Variants in USP38 observed in about 807,000 individuals in gnomAD.
USP38 encodes the protein ubiquitin carboxyl-terminal hydrolase 38.
Under a neutral mutation model 94.3 loss-of-function variants are expected in USP38, and 49 were observed. That is an observed-to-expected ratio of 0.52 (90% CI 0.41 to 0.66). The LOEUF (loss-of-function observed/expected upper bound fraction) is 0.66. Ranked by LOEUF, USP38 falls within the 30% of genes least tolerant of loss-of-function variation. The pLI is 0.00. For synonymous variants in USP38, 468 were observed against 463.6 expected (o/e 1.01, Z -0.12); for missense variants, 1,128 against 1,229.4 (o/e 0.92, Z 1.23).
At position 143,185,068 on chromosome 4, in the gene USP38, G is replaced by A. The variant is rs575253050; in HGVS notation, c.-383G>A. 1 of 184,626 alleles carries A rather than the reference G, an allele frequency of 5.4e-6. No individual in the cohort carries two copies. Among genetic ancestry groups the A allele is most frequent in the African/African-American group, 2.4e-5 (1 of 42,040 alleles). The allele number at this position is 184,626 out of a possible 1,614,324, so 11.4% of individuals were successfully genotyped here. On this transcript the variant is annotated 5_prime_UTR_variant, in exon 1 of 10. Coordinates refer to ENST00000307017, the MANE Select transcript of USP38 (RefSeq NM_032557.6). The stretch of plus-strand genomic sequence containing the variant: ...GACGCCCACACCTGACCCGGAACTC[G>A]GAGGCGTGCTTCCTCCACCCGCCGG...
intron 2 of USP38, among the ~76,000 whole-genome samples, chr4:143,188,859 G>A (rs1051032836): frequency 2.0e-5 from 3 of 152,046 alleles, no homozygotes; most frequent in Non-Finnish European, 4.4e-5. Flanking sequence ...TTTCAAAGAT[G>A]TTTAAATGTA....
rs927199460 is a variant in USP38, at chr4:143,195,757, A to G, written c.860A>G (p.Asp287Gly). Residue 287 changes from aspartate to glycine, a missense_variant, in exon 3 of 10, where the codon GAT (aspartate) becomes GGT (glycine). Coordinates refer to ENST00000307017, the MANE Select transcript of USP38 (RefSeq NM_032557.6). ...WLSWPLAQHV[D>G]TWVIALLKGL... is the part of the protein sequence containing the mutation. ...TCCTGGCCATTGGCTCAGCATGTGGATACATGGGTAATTGCACTCCTGAAA... is the reference window on the plus strand; with the variant it reads ...TCCTGGCCATTGGCTCAGCATGTGGGTACATGGGTAATTGCACTCCTGAAA... The G allele has an allele frequency of 2.5e-6, 4 of 1,613,208 alleles. No homozygotes were observed. The African/African-American group carries it at 5.3e-5, about 22-fold the overall frequency.
intron 7 of USP38, 59 bp from the exon 8 acceptor site, chr4:143,212,259 G>T: frequency 1.5e-6 from 2 of 1,372,322 alleles, no homozygotes; most frequent in South Asian, 1.3e-5. Context: ...TAAGATTTCA[G>T]TTACTTGGTT....
At chr4:143,217,048 G>C (rs1393869518) in intron 9 of USP38, among the ~76,000 whole-genome samples, 1 of 152,146 alleles carries the variant, frequency 6.6e-6, no homozygotes, top group Non-Finnish European at 1.5e-5. Flanking sequence ...CTGGCCTCAA[G>C]TGATCTGCCC....
intron 7 of USP38, among the ~76,000 whole-genome samples, chr4:143,210,598 AG>A (rs1171975648): frequency 4.7e-4 from 71 of 151,828 alleles, no homozygotes; most frequent in African/African-American, 1.7e-3. Context: ...AAAAAAAAAA[AG>A]AGTCTTTATG....
chr4:143,189,941 C>G (rs1477002564), intron 2 of USP38, among the ~76,000 whole-genome samples: 1 of 151,850 alleles, frequency 6.6e-6, no homozygotes, highest in Non-Finnish European at 1.5e-5. Flanking sequence ...TTCTTCCTTC[C>G]CATTATTATC....
rs772321535 is a variant in USP38, at chr4:143,197,932, A to T, written c.1050+8A>T. ...CCAGAGGCGTTCCATTTGGTAAGTT[A>T]TGACATAAACGTTCTACTTTGAAAA... On this transcript the variant is annotated splice_region_variant and intron_variant, in intron 4 of 9. Coordinates refer to ENST00000307017, the MANE Select transcript of USP38 (RefSeq NM_032557.6). The T allele has an allele frequency of 6.3e-7, 1 of 1,594,068 alleles. No homozygotes were observed. The highest frequency in any genetic ancestry group is 2.2e-5 in the East Asian group (1 of 44,664).
At chr4:143,198,088 T>G (rs1467447204) in intron 4 of USP38, among the ~76,000 whole-genome samples, 164 bp downstream of exon 4, 3 of 152,174 alleles carry the variant, frequency 2.0e-5, no homozygotes, top group Admixed American at 2.0e-4. Context: ...GAGATTTCCC[T>G]CCTAGGAATA....
intron 4 of USP38, among the ~76,000 whole-genome samples, chr4:143,203,201 A>T (rs1464354344): frequency 6.6e-6 from 1 of 152,184 alleles, no homozygotes; most frequent in Non-Finnish European, 1.5e-5. Context: ...GAGGGGTCAT[A>T]TATGAGATTA....
At chr4:143,186,209 G>GT (rs1017558342) in intron 1 of USP38, 77 bp downstream of exon 1, 1 of 1,429,306 alleles carries the variant, frequency 7.0e-7, no homozygotes, top group African/African-American at 1.4e-5. Flanking sequence ...TTCACACCAT[G>GT]TTTTCCTCCT....
intron 4 of USP38, 122 bp downstream of exon 4, chr4:143,198,046 A>G (rs766678736): frequency 1.6e-4 from 96 of 591,298 alleles, no homozygotes; most frequent in Non-Finnish European, 2.3e-4. Context: ...GTTTTCATAT[A>G]GCTTTATGAT....
intron 1 of USP38, 133 bp downstream of exon 1, chr4:143,186,265 C>T: frequency 2.3e-6 from 2 of 868,210 alleles, no homozygotes; most frequent in South Asian, 1.8e-5. Flanking sequence ...ATACCTCATC[C>T]CAAATTTATT....
At chr4:143,216,897 A>G (rs1232695664) in intron 9 of USP38, among the ~76,000 whole-genome samples, 1 of 149,564 alleles carries the variant, frequency 6.7e-6, no homozygotes, top group Non-Finnish European at 1.5e-5. Context: ...TGTAACCTCC[A>G]CTCCTGGGTT....
intron 6 of USP38, among the ~76,000 whole-genome samples, chr4:143,206,697 GA>G (rs1731878402): frequency 2.0e-5 from 3 of 152,120 alleles, no homozygotes; most frequent in Admixed American, 6.5e-5. Flanking sequence ...CTCAAAAAAA[GA>G]AAAGTTAACA....
Position 143,185,692 on chromosome 4 carries a change from A to G in USP38, c.242A>G (p.Asn81Ser), listed in dbSNP as rs1442748562. Reference sequence around the variant, plus strand: ...CGGCCAGAGTTCGAGTCCTTCTTCAACAAGACCTTCGTGTTGGGCCTCCTT... The same window carrying G: ...CGGCCAGAGTTCGAGTCCTTCTTCAGCAAGACCTTCGTGTTGGGCCTCCTT... ...YHRPEFESFF[N>S]KTFVLGLLHQ... The change falls in exon 1 of 10, where the codon AAC (asparagine) becomes AGC (serine). Residue 81 changes from asparagine to serine, a missense_variant. By Grantham distance (46) the Asn-to-Ser change is conservative (BLOSUM62 1). Coordinates refer to ENST00000307017, the MANE Select transcript of USP38 (RefSeq NM_032557.6). 1.9e-6 allele frequency: 3 copies of G among 1,614,144 alleles called. No homozygotes were observed. Among genetic ancestry groups the G allele is most frequent in the South Asian group, 1.1e-5 (1 of 91,068 alleles).
chr4:143,196,545 C>T (rs1407696656), intron 3 of USP38, among the ~76,000 whole-genome samples: 1 of 152,112 alleles, frequency 6.6e-6, no homozygotes, highest in African/African-American at 2.4e-5. Flanking sequence ...GGACATTATA[C>T]TCTCCTGATT....
chr4:143,218,852 C>T (rs1348877146), intron 9 of USP38, among the ~76,000 whole-genome samples: 1 of 152,002 alleles, frequency 6.6e-6, no homozygotes, highest in Non-Finnish European at 1.5e-5. Context: ...AGTTTCATCG[C>T]TTGTTTGGAT....
At chr4:143,212,465 T>G in intron 8 of USP38, 41 bp downstream of exon 8, 1 of 1,393,294 alleles carries the variant, frequency 7.2e-7, no homozygotes, top group Non-Finnish European at 9.9e-7. Flanking sequence ...GTGTTGTCTT[T>G]CATAACAGTT....
chr4:143,196,633 C>A (rs1304109165), intron 3 of USP38, among the ~76,000 whole-genome samples: 3 of 152,150 alleles, frequency 2.0e-5, no homozygotes, highest in African/African-American at 4.8e-5. Flanking sequence ...AGTCTTTGGT[C>A]CATTTTCTTC....
Sources: gnomAD v4.1 joint callset for allele counts (sites outside exome capture counted in the v4.1 genomes callset) on GRCh38, gnomAD v4.1.1 for gene constraint, MANE v1.5 for transcripts, NCBI Gene and HGNC (gene_info 2026-07-23, HGNC 2026-07-21) for gene names.